Variants in PKHD1 observed in about 807,000 individuals in gnomAD.
PKHD1 encodes fibrocystin.
In PKHD1, 291 loss-of-function variants were observed where a neutral mutation model predicts 412.0. The observed-to-expected ratio is 0.71, with a 90% CI of 0.64 to 0.78. PKHD1 has a LOEUF of 0.78. Ranked by LOEUF, PKHD1 falls within the 30% of genes least tolerant of loss-of-function variation. The pLI is 0.00. For synonymous variants in PKHD1, 1,777 were observed against 1,821.5 expected, an observed-to-expected ratio of 0.98 and a Z score of 0.62; for missense variants, 4,825 against 4,950.7, an observed-to-expected ratio of 0.97 and a Z score of 0.76.
In PKHD1 at chr6:52,014,700, AGATGGATGGATGGATGGATGGATG is replaced by A. The variant is rs55925667; in HGVS notation, c.5600+2686_5600+2709del. On this transcript the variant is annotated intron_variant, in intron 34 of 66. Transcript: ENST00000371117. ...GGATGGATGGATGAATATACTGGAT[AGATGGATGGATGGATGGATGGATG>A]GATGGATGGATGGATGGATGGATGG... Among the ~76,000 whole-genome samples, 718 of 80,752 alleles carry A rather than the reference AGATGGATGGATGGATGGATGGATG, an allele frequency of 8.9e-3. 3 individuals carry two copies. Among genetic ancestry groups the A allele is most frequent in the Non-Finnish European group, 0.013 (496 of 37,830 alleles). The allele number at this position is 80,752 out of a possible 152,430, so 53.0% of individuals were successfully genotyped here. A position where few individuals can be genotyped will look rare whatever the true frequency, so the allele number is the denominator to read the frequency against.
chr6:51,848,445 C>T (rs1771607172), intron 49 of PKHD1, among the ~76,000 whole-genome samples: 1 of 152,150 alleles, frequency 6.6e-6, no homozygotes, highest in Admixed American at 6.5e-5. Context: ...ATTCAGTCCT[C>T]GAAAGGCACC....
chr6:51,726,376 G>T (rs1782572616), intron 60 of PKHD1, among the ~76,000 whole-genome samples: 1 of 152,186 alleles, frequency 6.6e-6, no homozygotes, highest in Non-Finnish European at 1.5e-5. Context: ...AAAATAAAGT[G>T]CATATTAAAA....
In PKHD1 at chr6:51,619,157, T is replaced by C; in HGVS notation, c.12149A>G (p.Lys4050Arg). ...CTCAGTGGCCCCGCAGGAGGCTTTC[T>C]TCTCTTGGGAAAGCCCCAAGCTGCC... ...QSGSLGLSQE[K>R]KASCGATEAF... The change falls in exon 67 of 67, where the codon AAG becomes AGG. Residue 4050 changes from lysine to arginine, a missense_variant. By Grantham distance (26) the Lys-to-Arg change is conservative (BLOSUM62 2). Transcript: ENST00000371117. 1 of 1,614,210 alleles carries C rather than the reference T, an allele frequency of 6.2e-7. No individual in the cohort carries two copies. Among genetic ancestry groups the C allele is most frequent in the South Asian group, 1.1e-5 (1 of 91,090 alleles).
intron 36 of PKHD1, among the ~76,000 whole-genome samples, chr6:51,936,974 C>T (rs751350866): frequency 2.0e-5 from 3 of 152,192 alleles, no homozygotes; most frequent in African/African-American, 7.2e-5. Flanking sequence ...TGGATCTTTA[C>T]CCTGAGCTAG....
chr6:51,701,651 T>C (rs1258373596), intron 60 of PKHD1, among the ~76,000 whole-genome samples: 1 of 151,998 alleles, frequency 6.6e-6, no homozygotes, highest in African/African-American at 2.4e-5. Flanking sequence ...TAAAACAAGA[T>C]ACAAAAGAAG....
In PKHD1 at chr6:52,053,139, G is replaced by C; in HGVS notation, c.2077C>G (p.Leu693Val). 6.2e-7 allele frequency: 1 copy of C among 1,614,188 alleles called. No homozygotes were observed. The highest frequency in any genetic ancestry group is 8.5e-7 in the Non-Finnish European group (1 of 1,179,988). ...TAGAACAGGCCCGTCTCCTGGGCCAGAGGGAGAAGGTTGATCTGATGAACC... is the reference window on the plus strand; with the variant it reads ...TAGAACAGGCCCGTCTCCTGGGCCACAGGGAGAAGGTTGATCTGATGAACC... ...VLVHQINLLP[L>V]AQETGLFYVD... The change falls in exon 21 of 67, where the codon CTG (leucine) becomes GTG (valine). Residue 693 changes from leucine to valine, a missense_variant. Leu to Val is a conservative substitution (Grantham distance 32). Coordinates refer to ENST00000371117, the MANE Select transcript of PKHD1 (RefSeq NM_138694.4).
intron 52 of PKHD1, among the ~76,000 whole-genome samples, chr6:51,818,642 C>A (rs1206665060): frequency 6.6e-6 from 1 of 152,206 alleles, no homozygotes. Flanking sequence ...CAATTTTTAG[C>A]TGAATAGTTT....
rs148740664 is a variant in PKHD1, at chr6:51,908,550, G to A, written c.6682+733C>T. Among the ~76,000 whole-genome samples, 378 of 152,262 alleles carry A rather than the reference G, an allele frequency of 2.5e-3. 3 individuals are homozygous for A. Among genetic ancestry groups the A allele is most frequent in the African/African-American group, 8.1e-3 (338 of 41,556 alleles). ...ACCCCCATTCTGTGATTCTCTGCATGTCAGCTTTTGGTAATGAGTTTTTGC... is the reference window on the plus strand; with the variant it reads ...ACCCCCATTCTGTGATTCTCTGCATATCAGCTTTTGGTAATGAGTTTTTGC... On this transcript the variant is annotated intron_variant, in intron 40 of 66. Coordinates refer to ENST00000371117, the MANE Select transcript of PKHD1 (RefSeq NM_138694.4).
chr6:51,951,781 A>G (rs1279244419), intron 36 of PKHD1, among the ~76,000 whole-genome samples: 1 of 152,164 alleles, frequency 6.6e-6, no homozygotes, highest in Non-Finnish European at 1.5e-5. Flanking sequence ...CCAGTCCAGG[A>G]TGAATAGGAT....
chr6:51,855,265 T>C (rs1018732779), intron 49 of PKHD1, among the ~76,000 whole-genome samples: 2 of 152,232 alleles, frequency 1.3e-5, no homozygotes, highest in African/African-American at 4.8e-5. Flanking sequence ...TAAGAGAACC[T>C]GGATACCTTG....
chr6:51,898,830 G>C (rs974141823), intron 43 of PKHD1, among the ~76,000 whole-genome samples: 1 of 150,766 alleles, frequency 6.6e-6, no homozygotes, highest in African/African-American at 2.4e-5. Context: ...ATGATAAAGG[G>C]GATATCACCA....
intron 63 of PKHD1, 96 bp from the exon 64 acceptor site, chr6:51,639,052 G>C: frequency 1.0e-6 from 1 of 961,530 alleles, no homozygotes; most frequent in Non-Finnish European, 1.7e-6. Context: ...GGACAATAAA[G>C]GACAATTTTT....
intron 52 of PKHD1, among the ~76,000 whole-genome samples, chr6:51,794,460 T>C (rs1441950283): frequency 6.6e-6 from 1 of 152,186 alleles, no homozygotes; most frequent in Non-Finnish European, 1.5e-5. Context: ...AATTTTTCTC[T>C]CATTCTGTAG....
chr6:52,079,880 C>T lies in PKHD1; in HGVS notation c.390+20G>A. Reference sequence around the variant, plus strand: ...CCCTTAGACTATGTAAACATACCTTCCTCCAGCCTTAGAACCCACCTTGAA... The same window carrying T: ...CCCTTAGACTATGTAAACATACCTTTCTCCAGCCTTAGAACCCACCTTGAA... On this transcript the variant is annotated intron_variant, in intron 5 of 66. Transcript: ENST00000371117. 2 of 1,325,788 alleles carry T rather than the reference C, an allele frequency of 1.5e-6. No individual in the cohort carries two copies. Among genetic ancestry groups the T allele is most frequent in the East Asian group, 2.3e-5 (1 of 43,528 alleles). 82.1% of individuals were successfully genotyped at this position (1,325,788 alleles called of 1,614,324 possible). A position where few individuals can be genotyped will look rare whatever the true frequency, so the allele number is the denominator to read the frequency against.
intron 35 of PKHD1, among the ~76,000 whole-genome samples, chr6:51,970,462 C>T (rs975383975): frequency 6.6e-6 from 1 of 152,082 alleles, no homozygotes; most frequent in Non-Finnish European, 1.5e-5. Flanking sequence ...TTACTAGGTC[C>T]CACTTGCTTA....
Position 51,997,008 on chromosome 6 carries a change from C to T in PKHD1, c.5751+13301G>A, listed in dbSNP as rs1161082117. 2.0e-5 allele frequency among the ~76,000 whole-genome samples: 3 copies of T among 152,324 alleles called. No individual in the cohort carries two copies. The East Asian group carries it at 5.8e-4, about 29-fold the overall frequency. Reference sequence around the variant, plus strand: ...CAAAACCAATCAACAAAGCCCATTACCCTGAGCAGAGGGAATTTTGCCCAA... The same window carrying T: ...CAAAACCAATCAACAAAGCCCATTATCCTGAGCAGAGGGAATTTTGCCCAA... On this transcript the variant is annotated intron_variant, in intron 35 of 66. Coordinates refer to ENST00000371117, the MANE Select transcript of PKHD1 (RefSeq NM_138694.4).
intron 50 of PKHD1, among the ~76,000 whole-genome samples, chr6:51,845,694 TCA>T (rs1314766526): frequency 6.6e-6 from 1 of 152,208 alleles, no homozygotes; most frequent in African/African-American, 2.4e-5. Flanking sequence ...ACATGCACAT[TCA>T]CACAGCTACT....
intron 63 of PKHD1, among the ~76,000 whole-genome samples, chr6:51,647,037 C>T (rs1367591455): frequency 1.3e-5 from 2 of 152,190 alleles, no homozygotes; most frequent in Non-Finnish European, 2.9e-5. Context: ...GGCTCCAGCA[C>T]CTGTCTCACT....
intron 40 of PKHD1, among the ~76,000 whole-genome samples, chr6:51,908,422 T>G (rs1782461108): frequency 6.6e-6 from 1 of 152,088 alleles, no homozygotes; most frequent in African/African-American, 2.4e-5. Context: ...GGGCACAGCC[T>G]CTTTAAAGAA....
Sources: allele counts gnomAD v4.1 joint callset (sites outside exome capture counted in the v4.1 genomes callset), GRCh38; gene constraint gnomAD v4.1.1; transcripts MANE v1.5; gene names NCBI Gene and HGNC (gene_info 2026-07-23, HGNC 2026-07-21).